Variants in CCL17 observed in about 807,000 individuals in gnomAD.
The protein encoded by CCL17 is C-C motif chemokine ligand 17, also known as C-C motif chemokine 17.
A neutral mutation model predicts 7.4 loss-of-function variants in CCL17; 8 were observed. The ratio of observed to expected loss-of-function variants is 1.09; its 90% CI spans 0.64 to 1.96. The LOEUF (loss-of-function observed/expected upper bound fraction) is 1.96, where lower values mean the gene tolerates loss of function less well. CCL17 is among the 30% of genes most tolerant of loss of function. The pLI is 0.00. For missense variants in CCL17, 102 were observed against 113.0 expected, an observed-to-expected ratio of 0.90 and a Z score of 0.44; for synonymous variants, 40 against 46.1, an observed-to-expected ratio of 0.87 and a Z score of 0.54.
chr16:57,403,603 ATATAATATATATT>A (rs1478681855), upstream of CCL17, among the ~76,000 whole-genome samples: 4 of 67,790 alleles, frequency 5.9e-5, no homozygotes, highest in Non-Finnish European at 1.0e-4. Context: ...TTTATAATAT[ATATAATATATATT>A]TATAATATAT....
chr16:57,415,300 C>G lies in CCL17; in HGVS notation c.188+102C>G, dbSNP rs1455343267. ...CCAATGGGGAGCAGGGAAGAGACAG[C>G]GGGGCCTTCCTCCCCAACCCCTGCA... On this transcript the variant is annotated intron_variant, in intron 3 of 3. Coordinates refer to ENST00000219244, the MANE Select transcript of CCL17 (RefSeq NM_002987.3). The surrounding 1 kb of genome is among the most constrained non-coding windows in gnomAD (Gnocchi z 4.5). 5.0e-6 allele frequency: 4 copies of G among 792,690 alleles called. No individual in the cohort carries two copies. The highest frequency in any genetic ancestry group is 8.8e-6 in the Non-Finnish European group (4 of 452,390). 49.1% of individuals were successfully genotyped at this position (792,690 alleles called of 1,614,324 possible).
Position 57,416,027 on chromosome 16 carries a change from T to C in CCL17, c.*166T>C. The C allele has an allele frequency of 1.7e-6, 1 of 594,566 alleles. No individual in the cohort carries two copies. Among genetic ancestry groups the C allele is most frequent in the East Asian group, 2.8e-5 (1 of 35,394 alleles). 36.8% of individuals were successfully genotyped at this position (594,566 alleles called of 1,614,324 possible). On this transcript the variant is annotated 3_prime_UTR_variant, in exon 4 of 4. Coordinates refer to ENST00000219244, the MANE Select transcript of CCL17 (RefSeq NM_002987.3). ...CATCCCCTTGTCTGAACTGGAGCCA[T>C]GGGCACAAAGGGCCCAGATTAAAGT...
At chr16:57,400,342 G>A (rs1165677319), upstream of CCL17, among the ~76,000 whole-genome samples, 1 of 151,920 alleles carries the variant, frequency 6.6e-6, no homozygotes, top group Non-Finnish European at 1.5e-5. Context: ...CTGGGCAACA[G>A]AGCGAGACTC....
chr16:57,414,569 G>A (rs1248830074), intron 2 of CCL17, among the ~76,000 whole-genome samples: 3 of 151,698 alleles, frequency 2.0e-5, no homozygotes, highest in Non-Finnish European at 2.9e-5. Flanking sequence ...TAGGTGCCCG[G>A]CCACCACGCC....
chr16:57,407,073 A>G (rs542258565), intron 1 of CCL17, among the ~76,000 whole-genome samples: 218 of 152,206 alleles, frequency 1.4e-3, no homozygotes, highest in African/African-American at 5.1e-3. Flanking sequence ...CACACATCGG[A>G]GCAGTTTGGT....
At chr16:57,396,260 A>C in the CCL17 span, among the ~76,000 whole-genome samples, 1 of 152,194 alleles carries the variant, frequency 6.6e-6, no homozygotes, top group Non-Finnish European at 1.5e-5. Context: ...AGGAAGACTA[A>C]GGTGCAGGTG....
chr16:57,402,993 G>C (rs1238598842), upstream of CCL17, among the ~76,000 whole-genome samples: 2 of 127,880 alleles, frequency 1.6e-5, no homozygotes, highest in East Asian at 2.1e-4. Context: ...GAATGGCCTA[G>C]CATGTCAGAG....
At chr16:57,396,224 C>T in the CCL17 span, among the ~76,000 whole-genome samples, 1 of 152,124 alleles carries the variant, frequency 6.6e-6, no homozygotes, top group African/African-American at 2.4e-5. Context: ...GTCTGATTTC[C>T]TGGGGCAATG....
chr16:57,414,267 G>C (rs1353111278), intron 2 of CCL17, among the ~76,000 whole-genome samples: 1 of 152,006 alleles, frequency 6.6e-6, no homozygotes, highest in African/African-American at 2.4e-5. Flanking sequence ...TGAGGTGGGG[G>C]CTGTGGCTGT....
chr16:57,411,448 C>G (rs1198572928), intron 1 of CCL17, among the ~76,000 whole-genome samples: 4 of 152,228 alleles, frequency 2.6e-5, no homozygotes, highest in African/African-American at 4.8e-5. Flanking sequence ...GAATTTGGGT[C>G]CTTCTGAAGA....
upstream of CCL17, among the ~76,000 whole-genome samples, chr16:57,403,636 A>AT (rs1902651230): frequency 1.2e-4 from 10 of 84,632 alleles, no homozygotes; most frequent in African/African-American, 3.8e-4. Flanking sequence ...TATTATATAT[A>AT]TTATAAATAT....
At chr16:57,407,551 A>T (rs1296247865) in intron 1 of CCL17, among the ~76,000 whole-genome samples, 1 of 152,164 alleles carries the variant, frequency 6.6e-6, no homozygotes, top group Non-Finnish European at 1.5e-5. Context: ...GCATTCATGC[A>T]TGTATATATC....
intron 1 of CCL17, among the ~76,000 whole-genome samples, chr16:57,407,974 CATCT>C (rs1436849404): frequency 2.0e-5 from 3 of 151,894 alleles, no homozygotes; most frequent in Admixed American, 6.6e-5. Flanking sequence ...ACCATCCATC[CATCT>C]ATCCATCCAT....
chr16:57,411,969 TG>T (rs1442152633), intron 1 of CCL17, among the ~76,000 whole-genome samples: 1 of 152,130 alleles, frequency 6.6e-6, no homozygotes, highest in Non-Finnish European at 1.5e-5. Flanking sequence ...AAGACAGCCC[TG>T]GGCACAGGAG....
the CCL17 span, among the ~76,000 whole-genome samples, chr16:57,396,172 G>T: frequency 1.3e-5 from 2 of 152,194 alleles, no homozygotes; most frequent in Non-Finnish European, 2.9e-5. Flanking sequence ...TAGTTGTATT[G>T]CTCTGCACTG....
chr16:57,397,965 C>T, the CCL17 span, among the ~76,000 whole-genome samples: 4 of 152,150 alleles, frequency 2.6e-5, no homozygotes, highest in Non-Finnish European at 5.9e-5. Context: ...TCCAAGAGAT[C>T]CTCTTGGGTG....
upstream of CCL17, among the ~76,000 whole-genome samples, chr16:57,403,517 T>A (rs1166271444): frequency 5.4e-4 from 15 of 28,034 alleles, 4 homozygotes; most frequent in African/African-American, 3.3e-3. Context: ...TATATTATAT[T>A]ATATATATGT....
chr16:57,407,615 C>T (rs1902715789), intron 1 of CCL17, among the ~76,000 whole-genome samples: 1 of 152,044 alleles, frequency 6.6e-6, no homozygotes, highest in African/African-American at 2.4e-5. Context: ...CATCCAACCA[C>T]ACATCCATCT....
intron 1 of CCL17, among the ~76,000 whole-genome samples, chr16:57,409,128 T>C (rs934764221): frequency 6.6e-6 from 1 of 152,122 alleles, no homozygotes; most frequent in East Asian, 1.9e-4. Flanking sequence ...ACAAATAAAC[T>C]AGCAATCACA....
Sources: gnomAD v4.1 joint callset for allele counts (sites outside exome capture counted in the v4.1 genomes callset) on GRCh38, gnomAD v4.1.1 for gene constraint, Gnocchi (gnomAD v3.1) non-coding constraint, MANE v1.5 for transcripts, NCBI Gene and HGNC (gene_info 2026-07-23, HGNC 2026-07-21) for gene names.